The following NYAP2 variants were observed in gnomAD, a reference collection of about 807,000 sequenced individuals.
The protein encoded by NYAP2 is neuronal tyrosine-phosphorylated phosphoinositide-3-kinase adaptor 2, also known as neuronal tyrosine-phosphorylated phosphoinositide-3-kinase adapter 2.
A neutral mutation model predicts 50.4 loss-of-function variants in NYAP2; 23 were observed. The observed-to-expected ratio is 0.46, with a 90% CI of 0.33 to 0.65. The LOEUF (loss-of-function observed/expected upper bound fraction) is 0.65. NYAP2 is among the 30% of genes least tolerant of loss of function. The pLI is 0.02. For missense variants in NYAP2, 885 were observed against 861.0 expected (o/e 1.03, Z -0.35); for synonymous variants, 394 against 365.2 (o/e 1.08, Z -0.90).
chr2:225,615,669 C>G (rs1366292282), intron 5 of NYAP2, among the ~76,000 whole-genome samples: 4 of 152,152 alleles, frequency 2.6e-5, no homozygotes, highest in African/African-American at 9.7e-5. Context: ...TCTCACTTTC[C>G]TGGTCACCAT....
At chr2:225,657,102 C>CTTTTTT (rs375126014), downstream of NYAP2, among the ~76,000 whole-genome samples, 7 of 101,072 alleles carry the variant, frequency 6.9e-5, no homozygotes, top group Non-Finnish European at 9.3e-5. Flanking sequence ...AATCTAATTC[C>CTTTTTT]TTTTTTTTTT....
chr2:225,450,482 C>T (rs1187612002), intron 3 of NYAP2, among the ~76,000 whole-genome samples: 1 of 152,010 alleles, frequency 6.6e-6, no homozygotes, highest in Non-Finnish European at 1.5e-5. Flanking sequence ...TTATGACACC[C>T]GGAAAGGCAG....
intron 3 of NYAP2, among the ~76,000 whole-genome samples, chr2:225,420,834 T>C (rs533048632): frequency 6.6e-6 from 1 of 152,270 alleles, no homozygotes; most frequent in South Asian, 2.1e-4. Context: ...CTCTGACATA[T>C]CCAGCTCTTT....
At chr2:225,634,887 C>A (rs748670192) in intron 6 of NYAP2, among the ~76,000 whole-genome samples, 5 of 152,076 alleles carry the variant, frequency 3.3e-5, no homozygotes, top group Non-Finnish European at 5.9e-5. Context: ...AAAATGGGGG[C>A]CATTTACAAT....
chr2:225,598,154 C>T (rs897682553), intron 5 of NYAP2, among the ~76,000 whole-genome samples: 16 of 152,104 alleles, frequency 1.1e-4, no homozygotes, highest in Admixed American at 5.9e-4. Context: ...AGTACCCTTG[C>T]GCCATAAAGA....
chr2:225,579,347 T>C (rs1692229578), intron 4 of NYAP2, among the ~76,000 whole-genome samples: 1 of 152,172 alleles, frequency 6.6e-6, no homozygotes, highest in African/African-American at 2.4e-5. Context: ...ATGTTATATT[T>C]TGTTTCCCGT....
chr2:225,535,887 G>GA (rs1691341114), intron 4 of NYAP2, among the ~76,000 whole-genome samples: 1 of 152,082 alleles, frequency 6.6e-6, no homozygotes, highest in African/African-American at 2.4e-5. Flanking sequence ...GATAGATATA[G>GA]ATATATCTAG....
chr2:225,555,139 A>G (rs971809394), intron 4 of NYAP2, among the ~76,000 whole-genome samples: 3 of 152,200 alleles, frequency 2.0e-5, no homozygotes, highest in Non-Finnish European at 2.9e-5. Flanking sequence ...GACTGAAATC[A>G]TCATATTCAA....
chr2:225,687,402 T>A, the NYAP2 span, among the ~76,000 whole-genome samples: 1 of 152,292 alleles, frequency 6.6e-6, no homozygotes, highest in South Asian at 2.1e-4. Flanking sequence ...AGAAGGTGCA[T>A]ATAACTTGCC....
At chr2:225,430,875 T>C (rs1695356813) in intron 3 of NYAP2, among the ~76,000 whole-genome samples, 1 of 152,182 alleles carries the variant, frequency 6.6e-6, no homozygotes, top group Non-Finnish European at 1.5e-5. Flanking sequence ...TATATAGACT[T>C]CAAAATATCA....
At chr2:225,565,355 CT>C (rs5839114) in intron 4 of NYAP2, among the ~76,000 whole-genome samples, 16,189 of 152,036 alleles carry the variant, frequency 0.11, 977 homozygotes, top group South Asian at 0.13. Flanking sequence ...ACACATGTTG[CT>C]TTTTTTGTTC....
At chr2:225,666,287 T>C in the NYAP2 span, among the ~76,000 whole-genome samples, 1 of 152,122 alleles carries the variant, frequency 6.6e-6, no homozygotes, top group South Asian at 2.1e-4. Context: ...CATTTTGCAG[T>C]CATCAACATT....
chr2:225,607,221 C>T (rs1483141565), intron 5 of NYAP2, among the ~76,000 whole-genome samples: 1 of 152,024 alleles, frequency 6.6e-6, no homozygotes, highest in Non-Finnish European at 1.5e-5. Flanking sequence ...TGGCCTAAAT[C>T]TCTTATTTGA....
At chr2:225,448,733 C>T (rs532963595) in intron 3 of NYAP2, among the ~76,000 whole-genome samples, 1 of 152,312 alleles carries the variant, frequency 6.6e-6, no homozygotes, top group Admixed American at 6.5e-5. Flanking sequence ...TATTTAGAAG[C>T]ACTGAACGGT....
At chr2:225,613,752 C>T (rs1358590661) in intron 5 of NYAP2, among the ~76,000 whole-genome samples, 1 of 151,980 alleles carries the variant, frequency 6.6e-6, no homozygotes, top group Non-Finnish European at 1.5e-5. Flanking sequence ...CAGGGAAAAA[C>T]ATTAAAAACA....
At chr2:225,540,455 G>C (rs1042728836) in intron 4 of NYAP2, among the ~76,000 whole-genome samples, 2 of 152,182 alleles carry the variant, frequency 1.3e-5, no homozygotes, top group African/African-American at 4.8e-5. Context: ...AAGAGAGCTT[G>C]TGCAGGAATA....
intron 5 of NYAP2, among the ~76,000 whole-genome samples, chr2:225,584,035 C>G (rs923534867): frequency 8.6e-5 from 13 of 151,856 alleles, no homozygotes; most frequent in African/African-American, 3.1e-4. Context: ...GAGCAAGACT[C>G]TGTCTCAAAA....
At chr2:225,624,448 G>A (rs1032724137) in intron 5 of NYAP2, among the ~76,000 whole-genome samples, 1 of 152,168 alleles carries the variant, frequency 6.6e-6, no homozygotes, top group Admixed American at 6.5e-5. Context: ...AAGCTAAGTT[G>A]TTACTCAAGT....
intron 3 of NYAP2, among the ~76,000 whole-genome samples, chr2:225,431,202 A>G (rs182389228): frequency 6.6e-6 from 1 of 152,364 alleles, no homozygotes; most frequent in Admixed American, 6.5e-5. Context: ...TTCAGAAGTT[A>G]TTTCAAATGC....
Sources: allele counts gnomAD v4.1 joint callset (sites outside exome capture counted in the v4.1 genomes callset), GRCh38; gene constraint gnomAD v4.1.1; transcripts MANE v1.5; gene names NCBI Gene and HGNC (gene_info 2026-07-23, HGNC 2026-07-21).